Variants in RB1 observed in about 807,000 individuals in gnomAD.
RB1 encodes retinoblastoma-associated protein.
RB1 carries 18 observed loss-of-function variants against 135.4 expected under a neutral mutation model. The ratio of observed to expected loss-of-function variants is 0.13; its 90% CI spans 0.09 to 0.20. The LOEUF (loss-of-function observed/expected upper bound fraction) is 0.20. RB1 is among the 10% of genes least tolerant of loss of function. RB1 has a pLI of 1.00. For synonymous variants in RB1, 365 were observed against 373.2 expected (o/e 0.98, Z 0.25); for missense variants, 868 against 1,110.0 (o/e 0.78, Z 3.10).
At chr13:48,459,958 T>TCCTTCCTTC (rs1949392053) in intron 20 of RB1, 125 bp downstream of exon 20, 1 of 428,480 alleles carries the variant, frequency 2.3e-6, no homozygotes, top group African/African-American at 3.9e-5. Context: ...TCTTTTTCTT[T>TCCTTCCTTC]CTTTCTTTCT....
chr13:48,405,303 A>C (rs1948729838), intron 17 of RB1, among the ~76,000 whole-genome samples: 1 of 152,236 alleles, frequency 6.6e-6, no homozygotes, highest in Admixed American at 6.5e-5. Flanking sequence ...TTTAAAGTTG[A>C]TAAATCAAGT....
intron 15 of RB1, 26 bp downstream of exon 15, chr13:48,380,110 A>G: frequency 6.9e-7 from 1 of 1,447,104 alleles, no homozygotes; most frequent in Non-Finnish European, 9.3e-7. Flanking sequence ...TTAGTAAAAA[A>G]TTTTTTTCTT....
At chr13:48,395,061 A>G (rs961942070) in intron 17 of RB1, among the ~76,000 whole-genome samples, 21 of 145,958 alleles carry the variant, frequency 1.4e-4, no homozygotes, top group African/African-American at 5.3e-4. Flanking sequence ...ACAGGCAGCA[A>G]TCTTTGCTCT....
At chr13:48,320,306 T>C in intron 2 of RB1, 3 of 1,240,276 alleles carry the variant, frequency 2.4e-6, no homozygotes, top group Non-Finnish European at 3.5e-6. Flanking sequence ...GCAACCCCGC[T>C]GCGCTGCAGC....
chr13:48,387,945 T>C (rs754890235), intron 17 of RB1, among the ~76,000 whole-genome samples: 2 of 152,186 alleles, frequency 1.3e-5, no homozygotes, highest in Non-Finnish European at 2.9e-5. Context: ...TGTTTTTGCC[T>C]GTCCCTGAGT....
rs2138344904 is a variant in RB1, at chr13:48,465,074, G to A, written c.2288G>A (p.Arg763Lys). The A allele has an allele frequency of 1.9e-6, 3 of 1,604,812 alleles. No homozygotes were observed. The highest frequency in any genetic ancestry group is 2.6e-6 in the Non-Finnish European group (3 of 1,175,812). The change falls in exon 22 of 27, where the codon AGA becomes AAA. Residue 763 changes from arginine to lysine, a missense_variant. Physicochemically the swap from Arg to Lys is conservative, Grantham distance 26. Around this residue, in one of 3 missense-constraint regions of RB1, gnomAD observed 196 missense variants for 239.8 expected, o/e 0.82. Coordinates refer to ENST00000267163, the MANE Select transcript of RB1 (RefSeq NM_000321.3). ...IVFYNSVFMQRLKTNILQYAS... is the reference protein window; with the variant it reads ...IVFYNSVFMQKLKTNILQYAS... ...TTCTATAACTCGGTCTTCATGCAGA[G>A]ACTGAAAACAAATATTTTGCAGTAT...
At chr13:48,368,080 G>T (rs1292863119) in intron 10 of RB1, among the ~76,000 whole-genome samples, 2 of 152,140 alleles carry the variant, frequency 1.3e-5, no homozygotes, top group African/African-American at 2.4e-5. Context: ...TCTTTAGCAT[G>T]AACTCTTTTA....
At chr13:48,432,203 A>C (rs1949136974) in intron 17 of RB1, among the ~76,000 whole-genome samples, 1 of 152,146 alleles carries the variant, frequency 6.6e-6, no homozygotes. Context: ...TGGTTGTCTC[A>C]GGGAATTAAC....
intron 17 of RB1, among the ~76,000 whole-genome samples, chr13:48,443,206 A>T (rs1469644196): frequency 6.6e-6 from 1 of 151,072 alleles, no homozygotes; most frequent in East Asian, 1.9e-4. Context: ...TGAAAGACTT[A>T]AAAAAAATGC....
chr13:48,451,337 G>A (rs1028507793), intron 17 of RB1, among the ~76,000 whole-genome samples: 4 of 152,082 alleles, frequency 2.6e-5, no homozygotes, highest in Non-Finnish European at 5.9e-5. Context: ...TTAACATTAT[G>A]TTGAATTTTA....
At chr13:48,348,788 C>T (rs551869000) in intron 5 of RB1, among the ~76,000 whole-genome samples, 168 bp from the exon 6 acceptor site, 1 of 150,200 alleles carries the variant, frequency 6.7e-6, no homozygotes, top group Non-Finnish European at 1.5e-5. Context: ...TAGAGATAAA[C>T]TCAGGTGTAA....
chr13:48,320,501 A>G (rs1388425161), intron 2 of RB1: 1 of 643,436 alleles, frequency 1.6e-6, no homozygotes, highest in Non-Finnish European at 2.7e-6. Context: ...GGACGCGCAG[A>G]GGGACGACGC....
intron 6 of RB1, among the ~76,000 whole-genome samples, chr13:48,357,929 C>A (rs901110126): frequency 6.6e-6 from 1 of 152,068 alleles, no homozygotes; most frequent in African/African-American, 2.4e-5. Context: ...CTAGAACTTA[C>A]AGTCAAGTAA....
At chr13:48,401,392 T>C (rs1948690558) in intron 17 of RB1, 1 of 152,194 alleles carries the variant, frequency 6.6e-6, no homozygotes, top group African/African-American at 2.4e-5. Context: ...TCCTAATTAG[T>C]GTGGCTTCTG....
intron 11 of RB1, 89 bp downstream of exon 11, chr13:48,368,693 T>G: frequency 4.7e-6 from 7 of 1,493,366 alleles, no homozygotes; most frequent in African/African-American, 1.4e-5. Flanking sequence ...CTTTATGTAT[T>G]CATACATACA....
chr13:48,318,336 C>T (rs919037967), intron 2 of RB1: 2 of 1,387,364 alleles, frequency 1.4e-6, no homozygotes, highest in East Asian at 2.4e-5. Context: ...GACCTTCCTG[C>T]ACGCAGCCCT....
chr13:48,344,920 G>A (rs1181452295), intron 3 of RB1, among the ~76,000 whole-genome samples, 160 bp from the exon 4 acceptor site: 2 of 152,144 alleles, frequency 1.3e-5, no homozygotes, highest in African/African-American at 4.8e-5. Context: ...GTAAGTTGAA[G>A]GCTAATTATT....
intron 17 of RB1, among the ~76,000 whole-genome samples, chr13:48,391,231 A>G (rs1452711599): frequency 6.6e-6 from 1 of 152,160 alleles, no homozygotes; most frequent in Admixed American, 6.5e-5. Context: ...AGAATAGTAT[A>G]TTTCCATTTT....
intron 17 of RB1, among the ~76,000 whole-genome samples, chr13:48,436,379 A>G (rs1188243738): frequency 6.6e-6 from 1 of 152,204 alleles, no homozygotes; most frequent in Non-Finnish European, 1.5e-5. Flanking sequence ...GCTGTGGCTC[A>G]TGCTTGTAAT....
Sources: gnomAD v4.1 joint callset for allele counts (sites outside exome capture counted in the v4.1 genomes callset) on GRCh38, gnomAD v4.1.1 for gene constraint, gnomAD v4.1.1 regional missense constraint, MANE v1.5 for transcripts, NCBI Gene and HGNC (gene_info 2026-07-23, HGNC 2026-07-21) for gene names.